NOC3L: variants seen among roughly 807,000 people sequenced by gnomAD.
The protein encoded by NOC3L is NOC3 like DNA replication regulator.
Under a neutral mutation model 102.5 loss-of-function variants are expected in NOC3L, and 85 were observed. That is an observed-to-expected ratio of 0.83 (90% CI 0.70 to 0.99). The LOEUF is 0.99. Ranked by LOEUF, NOC3L falls within the 50% of genes least tolerant of loss-of-function variation. The pLI is 0.00. For synonymous variants in NOC3L, 303 were observed against 309.4 expected, an observed-to-expected ratio of 0.98 and a Z score of 0.22; for missense variants, 878 against 914.9, an observed-to-expected ratio of 0.96 and a Z score of 0.52.
chr10:94,322,823 GC>G, the NOC3L span, among the ~76,000 whole-genome samples: 1 of 151,852 alleles, frequency 6.6e-6, no homozygotes, highest in South Asian at 2.1e-4. Flanking sequence ...AGGCATGGTA[GC>G]ATGCACCTGT....
At chr10:94,357,466 G>A (rs2054502404) in intron 3 of NOC3L, 135 bp from the exon 4 acceptor site, 1 of 559,210 alleles carries the variant, frequency 1.8e-6, no homozygotes, top group Non-Finnish European at 2.7e-6. Flanking sequence ...TTAGGCTAGT[G>A]TCTGGCACAT....
intron 19 of NOC3L, among the ~76,000 whole-genome samples, chr10:94,335,710 C>G (rs2054210372): frequency 6.6e-6 from 1 of 152,124 alleles, no homozygotes; most frequent in African/African-American, 2.4e-5. Flanking sequence ...TGAATTCTTT[C>G]AATATTTAAA....
At chr10:94,358,316 C>T in intron 2 of NOC3L, 101 bp from the exon 3 acceptor site, 1 of 709,228 alleles carries the variant, frequency 1.4e-6, no homozygotes, top group Non-Finnish European at 2.5e-6. Flanking sequence ...CTTACGCTTT[C>T]TGAAGCAATC....
At chr10:94,345,608 A>C (rs981820091) in intron 11 of NOC3L, among the ~76,000 whole-genome samples, 1 of 152,142 alleles carries the variant, frequency 6.6e-6, no homozygotes, top group Non-Finnish European at 1.5e-5. Flanking sequence ...ATCTATACAC[A>C]TGCTCTTCCT....
intron 12 of NOC3L, 37 bp from the exon 13 acceptor site, chr10:94,344,552 C>T (rs2054322009): frequency 7.0e-7 from 1 of 1,429,356 alleles, no homozygotes; most frequent in Non-Finnish European, 9.8e-7. Context: ...TTTAGGATAA[C>T]CTGGTATGCT....
intron 1 of NOC3L, 129 bp downstream of exon 1, chr10:94,362,701 G>C (rs1589581040): frequency 2.1e-6 from 2 of 958,362 alleles, no homozygotes; most frequent in African/African-American, 1.6e-5. Flanking sequence ...GTAAGGAATG[G>C]AAAGCCCCCA....
At chr10:94,327,431 C>A in the NOC3L span, among the ~76,000 whole-genome samples, 1 of 151,314 alleles carries the variant, frequency 6.6e-6, no homozygotes, top group African/African-American at 2.4e-5. Flanking sequence ...CCCATCTCTA[C>A]CAAAAAATAT....
chr10:94,324,336 A>G, the NOC3L span: 2 of 1,599,624 alleles, frequency 1.3e-6, no homozygotes, highest in Non-Finnish European at 1.7e-6. Context: ...GTTGATCATA[A>G]CTTACCTTTC....
intron 1 of NOC3L, 85 bp from the exon 2 acceptor site, chr10:94,361,957 G>C (rs1294375549): frequency 9.8e-7 from 1 of 1,024,446 alleles, no homozygotes. Context: ...AATTTCATTA[G>C]ACCAATTCCA....
the NOC3L span, among the ~76,000 whole-genome samples, chr10:94,327,246 G>GTCTT: frequency 2.6e-5 from 4 of 152,012 alleles, no homozygotes; most frequent in East Asian, 1.9e-4. Context: ...CTTTACAATG[G>GTCTT]TCTTTTCAAG....
chr10:94,350,081 G>C (rs771708210), intron 9 of NOC3L, 32 bp downstream of exon 9: 2 of 1,608,562 alleles, frequency 1.2e-6, no homozygotes, highest in Non-Finnish European at 1.7e-6. Flanking sequence ...ATTTTCTAAG[G>C]AGGACAGCAA....
chr10:94,330,942 AAT>A (rs1261297917), downstream of NOC3L: 1 of 152,222 alleles, frequency 6.6e-6, no homozygotes, highest in East Asian at 1.9e-4. Context: ...CAAGAATCTA[AAT>A]ATGCAAGTTG....
Position 94,344,923 on chromosome 10 carries a change from G to C in NOC3L, c.1400C>G (p.Ala467Gly). 6.2e-7 allele frequency: 1 copy of C among 1,608,620 alleles called. No individual in the cohort carries two copies. The highest frequency in any genetic ancestry group is 8.5e-7 in the Non-Finnish European group (1 of 1,178,746). Residue 467 changes from alanine (A) to glycine (G), a missense_variant, in exon 12 of 21, where the codon GCA (alanine) becomes GGA (glycine). Coordinates refer to ENST00000371361, the MANE Select transcript of NOC3L (RefSeq NM_022451.11). ...LSRMQRKWKK[A>G]EEKLERELRE... ...AAGCTCTCGCTCTAGTTTCTCTTCT[G>C]CTTTCTTCCACTGAAAATAGATTGA...
chr10:94,345,852 T>C (rs1452581198), intron 11 of NOC3L, among the ~76,000 whole-genome samples: 1 of 152,168 alleles, frequency 6.6e-6, no homozygotes, highest in Non-Finnish European at 1.5e-5. Flanking sequence ...ATAGTGATGA[T>C]GGTGGTGGTA....
At chr10:94,322,311 C>A in the NOC3L span, among the ~76,000 whole-genome samples, 2 of 151,748 alleles carry the variant, frequency 1.3e-5, no homozygotes, top group South Asian at 4.2e-4. Context: ...CTATGACTGG[C>A]CACTGCACTG....
rs1564914619 is a variant in NOC3L, at chr10:94,350,134, G to A, written c.1107C>T (p.Leu369=). 1 of 1,613,980 alleles carries A rather than the reference G, an allele frequency of 6.2e-7. No homozygotes were observed. Among genetic ancestry groups the A allele is most frequent in the Non-Finnish European group, 8.5e-7 (1 of 1,180,004 alleles). ...HNNIIVLIVP[L]MNDMSKLISE... ...TCACCAATTTTGACATGTCATTCAT[G>A]AGAGGGACAATCAATACGATGATGT... The change falls in exon 9 of 21, where the codon CTC becomes CTT. Residue 369 remains leucine (L), a synonymous_variant. Coordinates refer to ENST00000371361, the MANE Select transcript of NOC3L (RefSeq NM_022451.11).
At chr10:94,355,471 G>A (rs1830611659) in intron 5 of NOC3L, among the ~76,000 whole-genome samples, 1 of 150,570 alleles carries the variant, frequency 6.6e-6, no homozygotes, top group African/African-American at 2.4e-5. Flanking sequence ...GCTTACTACA[G>A]CCTCCACCTC....
intron 11 of NOC3L, among the ~76,000 whole-genome samples, chr10:94,345,297 GA>G (rs1193319596): frequency 9.1e-5 from 13 of 142,752 alleles, no homozygotes; most frequent in African/African-American, 1.5e-4. Context: ...TTTCAAAAAA[GA>G]AAAAAAAAAG....
In NOC3L at chr10:94,350,107, A is replaced by T. The variant is rs2054396998; in HGVS notation, c.1128+6T>A. ...AGGACAGCAATAACCATTTACAGCA[A>T]CTCACCAATTTTGACATGTCATTCA... On this transcript the variant is annotated splice_donor_region_variant and intron_variant, in intron 9 of 20. Transcript: ENST00000371361. 2 of 1,613,694 alleles carry T rather than the reference A, an allele frequency of 1.2e-6. No individual in the cohort carries two copies. The highest frequency in any genetic ancestry group is 1.7e-6 in the Non-Finnish European group (2 of 1,179,790).
Sources: allele counts gnomAD v4.1 joint callset (sites outside exome capture counted in the v4.1 genomes callset), GRCh38; gene constraint gnomAD v4.1.1; transcripts MANE v1.5; gene names NCBI Gene and HGNC (gene_info 2026-07-23, HGNC 2026-07-21).